FBXW4: variants seen among roughly 807,000 people sequenced by gnomAD.
The protein encoded by FBXW4 is F-box/WD repeat-containing protein 4.
FBXW4 carries 40 observed loss-of-function variants against 61.8 expected under a neutral mutation model. The observed-to-expected ratio is 0.65, with a 90% CI of 0.50 to 0.84. FBXW4 has a LOEUF of 0.84. Ranked by LOEUF, FBXW4 falls within the 40% of genes least tolerant of loss-of-function variation. The pLI is 0.00. For missense variants in FBXW4, 672 were observed against 753.8 expected, an observed-to-expected ratio of 0.89 and a Z score of 1.27; for synonymous variants, 311 against 313.8, an observed-to-expected ratio of 0.99 and a Z score of 0.10.
intron 5 of FBXW4, among the ~76,000 whole-genome samples, chr10:101,662,112 T>C (rs976956111): frequency 3.9e-5 from 6 of 152,196 alleles, no homozygotes; most frequent in Admixed American, 1.3e-4. Flanking sequence ...CTGCCTCCTT[T>C]TCCAATCTTT....
At chr10:101,652,935 C>T (rs1049984127) in intron 5 of FBXW4, among the ~76,000 whole-genome samples, 1 of 152,094 alleles carries the variant, frequency 6.6e-6, no homozygotes, top group Admixed American at 6.5e-5. Context: ...CTGAATTGTC[C>T]TTTGGTGCTA....
At chr10:101,661,299 C>G (rs1462295218) in intron 5 of FBXW4, among the ~76,000 whole-genome samples, 1 of 152,176 alleles carries the variant, frequency 6.6e-6, no homozygotes, top group Non-Finnish European at 1.5e-5. Context: ...CCCAGCAGCT[C>G]AGCACATGAG....
At chr10:101,614,396 A>G (rs891894101) in intron 6 of FBXW4, among the ~76,000 whole-genome samples, 1 of 152,214 alleles carries the variant, frequency 6.6e-6, no homozygotes, top group African/African-American at 2.4e-5. Flanking sequence ...GGACAGCAGT[A>G]TAAAAGGCCC....
intron 5 of FBXW4, among the ~76,000 whole-genome samples, chr10:101,631,852 C>G (rs1156918708): frequency 2.6e-5 from 4 of 152,182 alleles, no homozygotes; most frequent in Admixed American, 2.6e-4. Flanking sequence ...TGGTCTTGAT[C>G]TCCTGACCTT....
At chr10:101,673,937 A>C (rs1043434537) in intron 2 of FBXW4, among the ~76,000 whole-genome samples, 10 of 152,224 alleles carry the variant, frequency 6.6e-5, no homozygotes, top group Non-Finnish European at 1.0e-4. Flanking sequence ...TACCACTTTT[A>C]ATTGGAGAAT....
chr10:101,663,778 TC>T (rs2064268206), intron 5 of FBXW4, among the ~76,000 whole-genome samples: 1 of 152,120 alleles, frequency 6.6e-6, no homozygotes, highest in South Asian at 2.1e-4. Context: ...CATATGCCCC[TC>T]CACCCCAGGC....
At chr10:101,680,919 C>G (rs1310585399) in intron 1 of FBXW4, among the ~76,000 whole-genome samples, 1 of 152,158 alleles carries the variant, frequency 6.6e-6, no homozygotes, top group African/African-American at 2.4e-5. Context: ...GAAGGTCTGT[C>G]TGTGGAGGAG....
chr10:101,642,428 G>A (rs958083835), intron 5 of FBXW4, among the ~76,000 whole-genome samples: 2 of 150,958 alleles, frequency 1.3e-5, no homozygotes, highest in African/African-American at 4.9e-5. Context: ...AAGTATCTGA[G>A]CCTCAGGTTC....
rs554878449 is a variant in FBXW4, at chr10:101,624,819, C to G, written c.1236-9G>C. 3 of 1,614,224 alleles carry G rather than the reference C, an allele frequency of 1.9e-6. No homozygotes were observed. In the African/African-American group the frequency reaches 4.0e-5, roughly 22 times the overall value. Reference sequence around the variant, plus strand: ...TCCCTGTCACAAAAGAGCTGCCAAACAAAAGGAGAACAAAGTCAGATCTGG... The same window carrying G: ...TCCCTGTCACAAAAGAGCTGCCAAAGAAAAGGAGAACAAAGTCAGATCTGG... On this transcript the variant is annotated splice_polypyrimidine_tract_variant and intron_variant, in intron 5 of 8. Transcript: ENST00000331272.
chr10:101,636,408 A>C (rs2064002194), intron 5 of FBXW4, among the ~76,000 whole-genome samples: 1 of 151,860 alleles, frequency 6.6e-6, no homozygotes, highest in African/African-American at 2.4e-5. Context: ...AAAAAAAAAA[A>C]ACAAAAAAGA....
chr10:101,695,007 C>A lies in FBXW4; in HGVS notation c.99G>T (p.Arg33Ser). 9.2e-7 allele frequency: 1 copy of A among 1,092,824 alleles called. No homozygotes were observed. Among genetic ancestry groups the A allele is most frequent in the Non-Finnish European group, 1.1e-6 (1 of 898,300 alleles). 67.7% of individuals were successfully genotyped at this position (1,092,824 alleles called of 1,614,324 possible). A position where few individuals can be genotyped will look rare whatever the true frequency, so the allele number is the denominator to read the frequency against. ...ARKLQEGRVA[R>S]GKRRKGKGKG... Reference sequence around the variant, plus strand: ...TCCCCTTCCCCTTCCTTCGCTTCCCCCTCGCCACCCTCCCTTCCTGCAGCT... The same window carrying A: ...TCCCCTTCCCCTTCCTTCGCTTCCCACTCGCCACCCTCCCTTCCTGCAGCT... Residue 33 changes from arginine to serine, a missense_variant, in exon 1 of 9, where the codon AGG becomes AGT. This residue lies in a region of FBXW4 where 38 missense variants were observed against 43.3 expected (regional missense o/e 0.88). Transcript: ENST00000331272. The surrounding 1 kb of genome is among the most constrained non-coding windows in gnomAD (Gnocchi z 4.2).
At position 101,612,347 on chromosome 10, in the gene FBXW4, T is replaced by TG; in HGVS notation, c.1431dup (p.Thr478HisfsTer172). ...GCCCAGCACACTCACCGGACGCTGGTGCGGAGGTCCCAGTAGCGAACATAG... is the reference window on the plus strand; with the variant it reads ...GCCCAGCACACTCACCGGACGCTGGTGGCGGAGGTCCCAGTAGCGAACATAG... On this transcript the variant is annotated frameshift_variant, in exon 7 of 9. Coordinates refer to ENST00000331272, the MANE Select transcript of FBXW4 (RefSeq NM_022039.4). LOFTEE classifies it high-confidence loss of function. The TG allele has an allele frequency of 6.4e-7, 1 of 1,573,150 alleles. No individual in the cohort carries two copies. The highest frequency in any genetic ancestry group is 2.3e-5 in the East Asian group (1 of 42,636).
intron 6 of FBXW4, among the ~76,000 whole-genome samples, chr10:101,617,516 C>T (rs2063834810): frequency 6.6e-6 from 1 of 152,182 alleles, no homozygotes; most frequent in South Asian, 2.1e-4. Flanking sequence ...CTTGCCTCAG[C>T]CCCATCAGGT....
chr10:101,630,090 G>T (rs531720642), intron 5 of FBXW4, among the ~76,000 whole-genome samples: 1 of 152,102 alleles, frequency 6.6e-6, no homozygotes, highest in Non-Finnish European at 1.5e-5. Context: ...TCTTCAACCC[G>T]CATTGGCATT....
intron 5 of FBXW4, among the ~76,000 whole-genome samples, chr10:101,633,504 G>T (rs2063975603): frequency 6.6e-6 from 1 of 152,042 alleles, no homozygotes; most frequent in Admixed American, 6.5e-5. Context: ...GTAGATGATG[G>T]GTGGATGGGT....
intron 1 of FBXW4, among the ~76,000 whole-genome samples, chr10:101,688,347 G>C (rs2064554405): frequency 6.6e-6 from 1 of 152,228 alleles, no homozygotes; most frequent in Non-Finnish European, 1.5e-5. Flanking sequence ...TACCAAAAAA[G>C]AAGAGGAAGA....
At chr10:101,635,332 T>C (rs1214512479) in intron 5 of FBXW4, among the ~76,000 whole-genome samples, 4 of 151,552 alleles carry the variant, frequency 2.6e-5, no homozygotes, top group African/African-American at 7.3e-5. Flanking sequence ...TATAATTATT[T>C]CATTATATAT....
At chr10:101,630,533 C>G (rs2063944317) in intron 5 of FBXW4, among the ~76,000 whole-genome samples, 1 of 152,188 alleles carries the variant, frequency 6.6e-6, no homozygotes, top group South Asian at 2.1e-4. Context: ...CTGCCGCCAT[C>G]TGCTAACCTC....
intron 5 of FBXW4, chr10:101,660,082 G>C (rs2064227701): frequency 2.0e-6 from 2 of 985,338 alleles, no homozygotes; most frequent in Non-Finnish European, 2.4e-6. Context: ...AAGGAAGGAA[G>C]GGCGGGAGGG....
Sources: gnomAD v4.1 joint callset for allele counts (sites outside exome capture counted in the v4.1 genomes callset) on GRCh38, gnomAD v4.1.1 for gene constraint, gnomAD v4.1.1 regional missense constraint, Gnocchi (gnomAD v3.1) non-coding constraint, MANE v1.5 for transcripts, NCBI Gene and HGNC (gene_info 2026-07-23, HGNC 2026-07-21) for gene names.